The following EPN1 variants were observed in gnomAD, a reference collection of about 807,000 sequenced individuals.
EPN1 encodes epsin-1.
Under a neutral mutation model 56.9 loss-of-function variants are expected in EPN1, and 25 were observed. That is an observed-to-expected ratio of 0.44 (90% CI 0.32 to 0.61). The LOEUF (loss-of-function observed/expected upper bound fraction) is 0.61. EPN1 is among the 20% of genes least tolerant of loss of function. The pLI is 0.05. For missense variants in EPN1, 785 were observed against 823.7 expected, an observed-to-expected ratio of 0.95 and a Z score of 0.58; for synonymous variants, 411 against 361.8, an observed-to-expected ratio of 1.14 and a Z score of -1.54.
rs1427196357 is a variant in EPN1 at position 55,705,126 on chromosome 19, TTC to T, written c.*9772_*9773del. ...GTTGGAAGCCTCACTGGCCTGAGGT[TTC>T]TGAGTAAGCTCTGACCCAATCATTG... On this transcript the variant is annotated 3_prime_UTR_variant, in exon 11 of 11. Coordinates refer to ENST00000270460, the MANE Select transcript of EPN1 (RefSeq NM_001130072.2). The T allele has an allele frequency of 6.6e-6, 1 of 152,258 alleles. No homozygotes were observed. The highest frequency in any genetic ancestry group is 1.5e-5 in the Non-Finnish European group (1 of 68,060). 9.4% of individuals were successfully genotyped at this position (152,258 alleles called of 1,614,324 possible). A position where few individuals can be genotyped will look rare whatever the true frequency, so the allele number is the denominator to read the frequency against.
chr19:55,677,334 T>A, intron 1 of EPN1: 1 of 741,640 alleles, frequency 1.3e-6, no homozygotes, highest in Non-Finnish European at 2.4e-6. Flanking sequence ...GTAAAGCACT[T>A]AAAACAGTGC....
chr19:55,685,725 G>C, intron 3 of EPN1, 80 bp downstream of exon 3: 2 of 1,505,364 alleles, frequency 1.3e-6, no homozygotes, highest in South Asian at 2.4e-5. Context: ...GCCGCCCACT[G>C]CTTTCTCTCC....
intron 1 of EPN1, among the ~76,000 whole-genome samples, chr19:55,678,139 A>G (rs1460022176): frequency 6.6e-6 from 1 of 152,034 alleles, no homozygotes; most frequent in East Asian, 1.9e-4. Context: ...GGAAGAGCGC[A>G]TGGGCAGGAC....
rs747486196 is a variant in EPN1 at position 55,709,072 on chromosome 19, TTTTG to T, written c.*13720_*13723del. The T allele has an allele frequency of 6.5e-7, 1 of 1,548,906 alleles. No individual in the cohort carries two copies. The highest frequency in any genetic ancestry group is 8.6e-7 in the Non-Finnish European group (1 of 1,156,870). ...GGGAAAATAGAAATAAAGTTTTTTT[TTTTG>T]TTTTTCATTTTTACACAGTATTGCC... On this transcript the variant is annotated 3_prime_UTR_variant, in exon 11 of 11. Coordinates refer to ENST00000270460, the MANE Select transcript of EPN1 (RefSeq NM_001130072.2).
At chr19:55,688,790 C>T in intron 3 of EPN1, 80 bp from the exon 4 acceptor site, 3 of 1,534,270 alleles carry the variant, frequency 2.0e-6, no homozygotes, top group South Asian at 1.2e-5. Context: ...GACACAGAAG[C>T]CCCCGTCTGT....
rs766908236 is a variant in EPN1 at position 55,694,856 on chromosome 19, C to T, written c.1395C>T (p.Pro465=). 4.9e-5 allele frequency: 79 copies of T among 1,608,276 alleles called. No individual in the cohort carries two copies. The highest frequency in any genetic ancestry group is 6.6e-5 in the Non-Finnish European group (78 of 1,177,734). ...CTGCAGCCACACCAACTCCCACGCC[C>T]CCCACCCGGAAGACGCCGGAGTCAT... ...PPPAATPTPT[P]PTRKTPESFL... is the part of the protein sequence containing the mutation. Residue 465 remains proline, a synonymous_variant, in exon 10 of 11, where the codon CCC becomes CCT. Coordinates refer to ENST00000270460, the MANE Select transcript of EPN1 (RefSeq NM_001130072.2). The surrounding 1 kb of genome is among the most constrained non-coding windows in gnomAD (Gnocchi z 4.2).
chr19:55,692,086 C>G, intron 7 of EPN1, 29 bp downstream of exon 7: 1 of 1,408,236 alleles, frequency 7.1e-7, no homozygotes, highest in Non-Finnish European at 9.2e-7. Flanking sequence ...TGCATGCAGC[C>G]CCTACGCCTG....
chr19:55,706,197 T>C lies in EPN1; in HGVS notation c.*10841T>C, dbSNP rs1243434608. The C allele has an allele frequency of 1.3e-5, 2 of 155,320 alleles. No individual in the cohort carries two copies. Among genetic ancestry groups the C allele is most frequent in the Non-Finnish European group, 1.4e-5 (1 of 71,700 alleles). The allele number at this position is 155,320 out of a possible 1,614,324, so 9.6% of individuals were successfully genotyped here. ...TCCTCTTCCTCCTTTTTCTCCTCCT[T>C]TCTTCCTTTATTTTTCTTTCTTCCT... On this transcript the variant is annotated 3_prime_UTR_variant, in exon 11 of 11. Coordinates refer to ENST00000270460, the MANE Select transcript of EPN1 (RefSeq NM_001130072.2).
chr19:55,692,909 G>C (rs996925289), intron 8 of EPN1, 42 bp from the exon 9 acceptor site: 8 of 1,607,252 alleles, frequency 5.0e-6, no homozygotes, highest in Non-Finnish European at 6.0e-6. Context: ...GGCTGAGGCG[G>C]GGCCCCAGGG....
intron 1 of EPN1, among the ~76,000 whole-genome samples, chr19:55,676,101 C>G (rs765262610): frequency 1.3e-5 from 2 of 152,174 alleles, no homozygotes; most frequent in Non-Finnish European, 2.9e-5. Context: ...CGTAGGAAAT[C>G]CATAGTTCGT....
At chr19:55,676,276 T>C (rs989122422) in intron 1 of EPN1, among the ~76,000 whole-genome samples, 3 of 151,958 alleles carry the variant, frequency 2.0e-5, no homozygotes, top group Admixed American at 6.6e-5. Flanking sequence ...GTGTTAGATA[T>C]CGGTCGGTTA....
At chr19:55,686,396 G>A (rs1452005736) in intron 3 of EPN1, among the ~76,000 whole-genome samples, 1 of 152,190 alleles carries the variant, frequency 6.6e-6, no homozygotes, top group Non-Finnish European at 1.5e-5. Context: ...TCCAGGAAGA[G>A]TGGAGGTGCC....
intron 6 of EPN1, among the ~76,000 whole-genome samples, chr19:55,690,961 G>T (rs528061111): frequency 1.3e-5 from 2 of 152,292 alleles, no homozygotes; most frequent in African/African-American, 4.8e-5. Flanking sequence ...CTCTTCTCCT[G>T]CCCTGCCCTG....
At position 55,691,939 on chromosome 19, in the gene EPN1, C is replaced by T. The variant is rs1342607898; in HGVS notation, c.948C>T (p.Ala316=). The T allele has an allele frequency of 3.2e-6, 5 of 1,543,266 alleles. No homozygotes were observed. Among genetic ancestry groups the T allele is most frequent in the South Asian group, 2.4e-5 (2 of 82,718 alleles). Residue 316 remains alanine (A), a synonymous_variant, in exon 7 of 11, where the codon GCC becomes GCT. Coordinates refer to ENST00000270460, the MANE Select transcript of EPN1 (RefSeq NM_001130072.2). The surrounding 1 kb of genome is among the most constrained non-coding windows in gnomAD (Gnocchi z 5.6). ...GGGGAGGTCCAGCCCCCACGCCGGC[C>T]TCTGGGGACCCCTGGAGGCCTGCTG... is the stretch of plus-strand genomic sequence containing the variant. ...DPWGGPAPTP[A]SGDPWRPAAP... is the part of the protein sequence containing the mutation.
In EPN1 at chr19:55,692,024, G is replaced by A; in HGVS notation, c.1033G>A (p.Gly345Arg). The A allele has an allele frequency of 1.4e-6, 2 of 1,471,386 alleles. No individual in the cohort carries two copies. The highest frequency in any genetic ancestry group is 1.8e-6 in the Non-Finnish European group (2 of 1,118,804). 91.1% of individuals were successfully genotyped at this position (1,471,386 alleles called of 1,614,324 possible). Reference protein sequence around the residue: ...GGTPAPAAGEGPTPDPWGSSD... With the variant: ...GGTPAPAAGERPTPDPWGSSD... ...GACCCCAGCCCCTGCAGCTGGGGAG[G>A]GGCCCACGCCTGATCCATGGGGAAG... Residue 345 changes from glycine to arginine, a missense_variant, in exon 7 of 11, where the codon GGG becomes AGG. Transcript: ENST00000270460.
chr19:55,695,519 C>G lies in EPN1; in HGVS notation c.*163C>G. 1 of 591,780 alleles carries G rather than the reference C, an allele frequency of 1.7e-6. No homozygotes were observed. Among genetic ancestry groups the G allele is most frequent in the East Asian group, 2.8e-5 (1 of 35,250 alleles). The allele number at this position is 591,780 out of a possible 1,614,324, so 36.7% of individuals were successfully genotyped here. On this transcript the variant is annotated 3_prime_UTR_variant, in exon 11 of 11. Transcript: ENST00000270460. The surrounding 1 kb of genome is among the most constrained non-coding windows in gnomAD (Gnocchi z 4.4). ...CCCTCTTCCTTTCCCACCCCACCTC[C>G]CCGGAGAGAAACTGGACATGGGGCC...
At chr19:55,683,335 G>A (rs1985952289) in intron 2 of EPN1, among the ~76,000 whole-genome samples, 2 of 152,072 alleles carry the variant, frequency 1.3e-5, no homozygotes, top group African/African-American at 4.8e-5. Context: ...GATTATAGGT[G>A]GGAGCCACCA....
rs1177487935 is a variant in EPN1 at position 55,692,751 on chromosome 19, C to A, written c.1132C>A (p.Pro378Thr). The change falls in exon 8 of 11, where the codon CCC becomes ACC. Residue 378 changes from proline to threonine, a missense_variant. Coordinates refer to ENST00000270460, the MANE Select transcript of EPN1 (RefSeq NM_001130072.2). Reference sequence around the variant, plus strand: ...GACACCGGCCCCGGCCTTCTCAGATCCCTGGGGAGGGTCACCTGCCAAGCC... The same window carrying A: ...GACACCGGCCCCGGCCTTCTCAGATACCTGGGGAGGGTCACCTGCCAAGCC... ...PWTPAPAFSD[P>T]WGGSPAKPST... 1 of 1,585,076 alleles carries A rather than the reference C, an allele frequency of 6.3e-7. No individual in the cohort carries two copies. The highest frequency in any genetic ancestry group is 8.6e-7 in the Non-Finnish European group (1 of 1,166,216).
In EPN1 at chr19:55,693,393, AG is replaced by A. The variant is rs200304221; in HGVS notation, c.1264+360del. 239 of 177,520 alleles carry A rather than the reference AG, an allele frequency of 1.3e-3. 1 individual carries two copies. The highest frequency in any genetic ancestry group is 5.1e-3 in the African/African-American group (218 of 42,556). The allele number at this position is 177,520 out of a possible 1,614,324, so 11.0% of individuals were successfully genotyped here. On this transcript the variant is annotated intron_variant, in intron 9 of 10. Coordinates refer to ENST00000270460, the MANE Select transcript of EPN1 (RefSeq NM_001130072.2). ...GTCCTGTGCAGTGAGCTGCGTGGAC[AG>A]GGGTTTGGAAGGCAGCCGAGGCTCC...
Sources: allele counts gnomAD v4.1 joint callset (sites outside exome capture counted in the v4.1 genomes callset), GRCh38; gene constraint gnomAD v4.1.1; non-coding constraint Gnocchi (gnomAD v3.1); transcripts MANE v1.5; gene names NCBI Gene and HGNC (gene_info 2026-07-23, HGNC 2026-07-21).